PCMTD1: variants seen among roughly 807,000 people sequenced by gnomAD.
PCMTD1 encodes the protein protein-L-isoaspartate (D-aspartate) O-methyltransferase domain containing 1.
A neutral mutation model predicts 37.6 loss-of-function variants in PCMTD1; 12 were observed. The observed-to-expected ratio is 0.32, with a 90% CI of 0.20 to 0.52. The LOEUF is 0.52. PCMTD1 is among the 20% of genes least tolerant of loss of function. The probability of loss-of-function intolerance (pLI) is 0.97; values close to 1 mark genes in which losing one functional copy is unlikely to be tolerated. For missense variants in PCMTD1, 235 were observed against 421.3 expected (o/e 0.56, Z 3.87); for synonymous variants, 117 against 135.8 (o/e 0.86, Z 0.96).
intron 1 of PCMTD1, among the ~76,000 whole-genome samples, chr8:51,879,880 T>C (rs955570224): frequency 2.6e-5 from 4 of 152,158 alleles, no homozygotes; most frequent in African/African-American, 9.7e-5. Flanking sequence ...ACATTTTTAA[T>C]TTTTTTAATA....
At chr8:51,861,534 A>G (rs1225882286) in intron 1 of PCMTD1, among the ~76,000 whole-genome samples, 1 of 152,174 alleles carries the variant, frequency 6.6e-6, no homozygotes, top group Non-Finnish European at 1.5e-5. Context: ...CTAGTCACAC[A>G]TGGCTACCTA....
chr8:51,851,650 C>T (rs2038309254), intron 2 of PCMTD1, among the ~76,000 whole-genome samples: 1 of 134,348 alleles, frequency 7.4e-6, no homozygotes, highest in African/African-American at 2.5e-5. Flanking sequence ...CAGATTTTGA[C>T]TCAAATTCTT....
chr8:51,886,054 C>T lies in PCMTD1; in HGVS notation c.-96+12876G>A, dbSNP rs148072909. 3.3e-5 allele frequency among the ~76,000 whole-genome samples: 5 copies of T among 152,344 alleles called. No individual in the cohort carries two copies. The East Asian group carries it at 9.6e-4, about 29-fold the overall frequency. On this transcript the variant is annotated intron_variant, in intron 1 of 5. Transcript: ENST00000522514. ...ATGTACAGTTTCTTAAAGCACAAGG[C>T]TCTTTCCTCCAAACTGGTAAGAATC...
At chr8:51,840,465 T>C (rs1445098370) in intron 3 of PCMTD1, among the ~76,000 whole-genome samples, 5 of 152,136 alleles carry the variant, frequency 3.3e-5, no homozygotes, top group African/African-American at 9.7e-5. Context: ...CTTTAAAGTA[T>C]ATTTACAATC....
chr8:51,861,092 TTC>T lies in PCMTD1; in HGVS notation c.58_59del (p.Glu20SerfsTer7), dbSNP rs1197987694. The stretch of plus-strand genomic sequence containing the variant: ...CTCTTTCAGTACGAATATACTGAGC[TTC>T]TTTTAAATTATCAATTAAGTCATCA... ...DNDDLIDNLK[E>X]AQYIRTERVE... On this transcript the variant is annotated frameshift_variant, in exon 2 of 6. Coordinates refer to ENST00000522514, the MANE Select transcript of PCMTD1 (RefSeq NM_052937.4). LOFTEE classifies it high-confidence loss of function. 2 of 1,614,120 alleles carry T rather than the reference TTC, an allele frequency of 1.2e-6. No homozygotes were observed. Among genetic ancestry groups the T allele is most frequent in the Non-Finnish European group, 1.7e-6 (2 of 1,179,986 alleles).
At chr8:51,844,259 C>T (rs920161262) in intron 3 of PCMTD1, among the ~76,000 whole-genome samples, 5 of 152,118 alleles carry the variant, frequency 3.3e-5, no homozygotes, top group South Asian at 4.1e-4. Flanking sequence ...TGAACCAACA[C>T]AGTAAGCCTT....
chr8:51,850,967 T>C lies in PCMTD1; in HGVS notation c.308-5204A>G, dbSNP rs2038296428. Among the ~76,000 whole-genome samples the C allele has an allele frequency of 2.6e-5, 4 of 151,974 alleles. No individual in the cohort carries two copies. The South Asian group carries it at 8.3e-4, about 32-fold the overall frequency. The stretch of plus-strand genomic sequence containing the variant: ...GCACAAAAATAAAACAGACCAAAGG[T>C]GAATAAAGGAAAAAGGAGGAAAGCA... On this transcript the variant is annotated intron_variant, in intron 2 of 5. Transcript: ENST00000522514.
chr8:51,897,942 A>T (rs2039031328), intron 1 of PCMTD1, among the ~76,000 whole-genome samples: 1 of 150,576 alleles, frequency 6.6e-6, no homozygotes, highest in Non-Finnish European at 1.5e-5. Context: ...AAATGCACAG[A>T]AAAAAAAAAT....
chr8:51,837,596 A>C (rs1026732481), intron 3 of PCMTD1, among the ~76,000 whole-genome samples: 2 of 152,110 alleles, frequency 1.3e-5, no homozygotes, highest in Non-Finnish European at 2.9e-5. Context: ...GGAACTTCAC[A>C]ATCAGTTAAA....
intron 1 of PCMTD1, among the ~76,000 whole-genome samples, chr8:51,890,448 A>G (rs2038921368): frequency 6.6e-6 from 1 of 152,204 alleles, no homozygotes. Flanking sequence ...AGACACTACA[A>G]TGAAAACATG....
intron 3 of PCMTD1, among the ~76,000 whole-genome samples, chr8:51,844,138 G>A (rs894314282): frequency 6.6e-6 from 1 of 152,008 alleles, no homozygotes; most frequent in African/African-American, 2.4e-5. Flanking sequence ...AAGACAGAGA[G>A]AAACAATAAA....
chr8:51,828,919 G>C (rs973634857), intron 5 of PCMTD1, among the ~76,000 whole-genome samples: 6 of 152,092 alleles, frequency 3.9e-5, no homozygotes, highest in African/African-American at 1.4e-4. Flanking sequence ...CATGTTTCCA[G>C]TCTCCCTTAT....
At chr8:51,861,870 G>A (rs923875729) in intron 1 of PCMTD1, among the ~76,000 whole-genome samples, 12 of 151,828 alleles carry the variant, frequency 7.9e-5, no homozygotes, top group African/African-American at 1.5e-4. Context: ...ATGCCACCAC[G>A]CTCAGCTAAT....
intron 5 of PCMTD1, among the ~76,000 whole-genome samples, chr8:51,829,504 G>T (rs1253607802): frequency 6.6e-6 from 1 of 152,186 alleles, no homozygotes; most frequent in East Asian, 1.9e-4. Context: ...TATTCACCAT[G>T]TATTTACAGG....
chr8:51,863,285 G>A (rs1175180875), intron 1 of PCMTD1, among the ~76,000 whole-genome samples: 2 of 152,160 alleles, frequency 1.3e-5, no homozygotes, highest in Non-Finnish European at 2.9e-5. Flanking sequence ...TAGGGCTTAA[G>A]AAGAATGATC....
chr8:51,879,676 G>A (rs1288490986), intron 1 of PCMTD1, among the ~76,000 whole-genome samples: 1 of 152,122 alleles, frequency 6.6e-6, no homozygotes, highest in Non-Finnish European at 1.5e-5. Flanking sequence ...AGACAACTAT[G>A]TATCTCATTT....
At chr8:51,890,873 C>A (rs778480041) in intron 1 of PCMTD1, among the ~76,000 whole-genome samples, 1 of 152,190 alleles carries the variant, frequency 6.6e-6, no homozygotes, top group Non-Finnish European at 1.5e-5. Flanking sequence ...TTCCATACTT[C>A]TATCACCAAA....
intron 2 of PCMTD1, among the ~76,000 whole-genome samples, chr8:51,846,462 C>T (rs901737919): frequency 6.6e-6 from 1 of 152,204 alleles, no homozygotes; most frequent in Admixed American, 6.5e-5. Context: ...TACGAGGACT[C>T]AGTGTCTCCT....
rs79784903 is a variant in PCMTD1 at position 51,830,373 on chromosome 8, C to T, written c.706+1071G>A. On this transcript the variant is annotated intron_variant, in intron 5 of 5. Coordinates refer to ENST00000522514, the MANE Select transcript of PCMTD1 (RefSeq NM_052937.4). ...TGTATGGTAACAGACAACTCAAACA[C>T]GGTGAAAGGAAAATGTCAGACCTTT... Among the ~76,000 whole-genome samples, 746 of 152,292 alleles carry T rather than the reference C, an allele frequency of 4.9e-3. 6 individuals are homozygous for T. Among genetic ancestry groups the T allele is most frequent in the African/African-American group, 0.017 (715 of 41,550 alleles).
Sources: gnomAD v4.1 joint callset for allele counts (sites outside exome capture counted in the v4.1 genomes callset) on GRCh38, gnomAD v4.1.1 for gene constraint, MANE v1.5 for transcripts, NCBI Gene and HGNC (gene_info 2026-07-23, HGNC 2026-07-21) for gene names.